MACROD2: variants seen among roughly 807,000 people sequenced by gnomAD.
MACROD2 encodes ADP-ribose glycohydrolase MACROD2.
A neutral mutation model predicts 70.4 loss-of-function variants in MACROD2; 36 were observed. That is an observed-to-expected ratio of 0.51 (90% CI 0.39 to 0.68). The LOEUF (loss-of-function observed/expected upper bound fraction) is 0.68, where lower values mean the gene tolerates loss of function less well. MACROD2 is among the 30% of genes least tolerant of loss of function. MACROD2 has a pLI of 0.00. For missense variants in MACROD2, 496 were observed against 538.4 expected (o/e 0.92, Z 0.78); for synonymous variants, 172 against 178.8 (o/e 0.96, Z 0.30).
At chr20:14,300,688 C>T (rs965762883) in intron 3 of MACROD2, among the ~76,000 whole-genome samples, 2 of 152,182 alleles carry the variant, frequency 1.3e-5, no homozygotes, top group African/African-American at 4.8e-5. Context: ...ATGTTTAAGA[C>T]TCAGCTGGGC....
At chr20:15,244,195 A>C (rs1430992067) in intron 6 of MACROD2, among the ~76,000 whole-genome samples, 1 of 152,156 alleles carries the variant, frequency 6.6e-6, no homozygotes, top group African/African-American at 2.4e-5. Flanking sequence ...GACATCATAT[A>C]GATAGTATAA....
At chr20:15,848,923 A>G (rs6135567) in intron 8 of MACROD2, among the ~76,000 whole-genome samples, 8,265 of 152,298 alleles carry the variant, frequency 0.054, 393 homozygotes, top group East Asian at 0.21. Flanking sequence ...TGTCTCCTCC[A>G]GGGATCTACC....
chr20:15,579,780 A>G (rs901695406), intron 8 of MACROD2, among the ~76,000 whole-genome samples: 2 of 152,276 alleles, frequency 1.3e-5, no homozygotes, highest in Non-Finnish European at 2.9e-5. Flanking sequence ...CAGATGGGTC[A>G]TAATCGGTAT....
chr20:14,967,423 C>G (rs960890280), intron 5 of MACROD2, among the ~76,000 whole-genome samples: 2 of 152,108 alleles, frequency 1.3e-5, no homozygotes, highest in African/African-American at 2.4e-5. Context: ...CTCGGCCTCC[C>G]AAAGTGCTAA....
At chr20:15,820,322 T>C (rs1373481957) in intron 8 of MACROD2, among the ~76,000 whole-genome samples, 1 of 151,986 alleles carries the variant, frequency 6.6e-6, no homozygotes, top group African/African-American at 2.4e-5. Flanking sequence ...CCTTGAGTAT[T>C]TGGGACTACA....
intron 3 of MACROD2, among the ~76,000 whole-genome samples, chr20:14,256,742 C>G (rs2082059961): frequency 6.6e-6 from 1 of 152,086 alleles, no homozygotes. Flanking sequence ...CCCGTTTAAG[C>G]CCCAGAATCT....
At chr20:15,543,099 T>C (rs1045987207) in intron 8 of MACROD2, among the ~76,000 whole-genome samples, 6 of 152,212 alleles carry the variant, frequency 3.9e-5, no homozygotes, top group Admixed American at 3.9e-4. Context: ...TACTCTTTTC[T>C]GGAGCTTCCC....
intron 8 of MACROD2, among the ~76,000 whole-genome samples, chr20:15,697,196 T>C (rs2050388961): frequency 6.6e-6 from 1 of 152,200 alleles, no homozygotes; most frequent in African/African-American, 2.4e-5. Context: ...TTTAGGGCTA[T>C]GAACTTTCCT....
chr20:15,284,285 T>C (rs968972382), intron 6 of MACROD2, among the ~76,000 whole-genome samples: 4 of 152,206 alleles, frequency 2.6e-5, no homozygotes, highest in African/African-American at 7.2e-5. Context: ...CCAAATTTCC[T>C]CTATCTAGAT....
intron 8 of MACROD2, among the ~76,000 whole-genome samples, chr20:15,526,325 A>C (rs971320350): frequency 6.6e-6 from 1 of 152,210 alleles, no homozygotes; most frequent in East Asian, 1.9e-4. Flanking sequence ...TGATGGAATG[A>C]TATATAATTA....
At chr20:14,236,531 C>T (rs1050408475) in intron 3 of MACROD2, among the ~76,000 whole-genome samples, 2 of 151,588 alleles carry the variant, frequency 1.3e-5, no homozygotes, top group Admixed American at 6.6e-5. Context: ...TTAGAAAATA[C>T]GAAAATGAAA....
At chr20:14,525,952 AAGGTTGGAGGGGGAAATATTTGCC>A (rs746574286) in intron 4 of MACROD2, among the ~76,000 whole-genome samples, 1 of 152,064 alleles carries the variant, frequency 6.6e-6, no homozygotes, top group Non-Finnish European at 1.5e-5. Context: ...ATGCTTCCTG[AAGGTTGGAGGGGGAAATATTTGCC>A]ATAAAATTGA....
intron 3 of MACROD2, among the ~76,000 whole-genome samples, chr20:14,386,474 G>A (rs1434546131): frequency 6.6e-6 from 1 of 152,202 alleles, no homozygotes. Context: ...GAGGTGTTTG[G>A]AATATGGGGG....
chr20:16,031,712 A>G (rs973287059), intron 15 of MACROD2, among the ~76,000 whole-genome samples: 5 of 152,222 alleles, frequency 3.3e-5, no homozygotes, highest in African/African-American at 1.2e-4. Flanking sequence ...ATCAATGCAC[A>G]TATTAAAATG....
intron 6 of MACROD2, among the ~76,000 whole-genome samples, chr20:15,349,240 A>G (rs2078200447): frequency 6.6e-6 from 1 of 152,162 alleles, no homozygotes; most frequent in East Asian, 1.9e-4. Context: ...AAAAATCATA[A>G]TCTTTTTTCA....
At chr20:14,148,507 ATCT>A (rs761454227) in intron 3 of MACROD2, among the ~76,000 whole-genome samples, 14 of 152,006 alleles carry the variant, frequency 9.2e-5, no homozygotes, top group Admixed American at 8.5e-4. Flanking sequence ...TATTATTTTG[ATCT>A]TCTTCACTTG....
chr20:15,560,762 C>CAAAAAAAAAAAAAAAAAAAAAAAAAAA (rs71190190), intron 8 of MACROD2, among the ~76,000 whole-genome samples: 2 of 22,084 alleles, frequency 9.1e-5, no homozygotes, highest in Non-Finnish European at 1.9e-4. Context: ...AACAAAGTCT[C>CAAAAAAAAAAAAAAAAAAAAAAAAAAA]AAAAAAAAAA....
chr20:15,461,834 G>A (rs775028811), intron 7 of MACROD2, among the ~76,000 whole-genome samples: 4 of 152,072 alleles, frequency 2.6e-5, no homozygotes, highest in Admixed American at 1.3e-4. Context: ...GATTCTTCCC[G>A]AATTGCTATA....
At chr20:14,933,844 A>G (rs552825616) in intron 5 of MACROD2, 1 of 152,292 alleles carries the variant, frequency 6.6e-6, no homozygotes, top group South Asian at 2.1e-4. Flanking sequence ...TGAAATTTGT[A>G]CAGTGAGGAT....
Sources: gnomAD v4.1 joint callset for allele counts (sites outside exome capture counted in the v4.1 genomes callset) on GRCh38, gnomAD v4.1.1 for gene constraint, MANE v1.5 for transcripts, NCBI Gene and HGNC (gene_info 2026-07-23, HGNC 2026-07-21) for gene names.